Variants in TNIP1 observed in about 807,000 individuals in gnomAD.
The protein encoded by TNIP1 is TNFAIP3 interacting protein 1.
Under a neutral mutation model 86.6 loss-of-function variants are expected in TNIP1, and 22 were observed. The observed-to-expected ratio is 0.25, with a 90% CI of 0.18 to 0.36. The LOEUF (loss-of-function observed/expected upper bound fraction) is 0.36. TNIP1 is among the 10% of genes least tolerant of loss of function. The pLI is 1.00. For missense variants in TNIP1, 709 were observed against 820.6 expected (o/e 0.86, Z 1.66); for synonymous variants, 294 against 313.0 (o/e 0.94, Z 0.64).
At chr5:151,037,544 T>C (rs1757867346) in intron 12 of TNIP1, 1 of 152,224 alleles carries the variant, frequency 6.6e-6, no homozygotes, top group African/African-American at 2.4e-5. Flanking sequence ...TGGGCTGAAA[T>C]ATCATCAAAT....
rs369086263 is a variant in TNIP1, at chr5:151,041,642, T to C, written c.1134+898A>G. Among the ~76,000 whole-genome samples the C allele has an allele frequency of 1.5e-3, 228 of 152,340 alleles. 5 individuals carry two copies. In the East Asian group the frequency reaches 0.02, roughly 13 times the overall value. On this transcript the variant is annotated intron_variant, in intron 11 of 17. Coordinates refer to ENST00000521591, the MANE Select transcript of TNIP1 (RefSeq NM_006058.5). Reference sequence around the variant, plus strand: ...TCGGCATCCCAAAGTGCCAGGATCATAGGCACAAGCCACCCAACCCGGCCT... The same window carrying C: ...TCGGCATCCCAAAGTGCCAGGATCACAGGCACAAGCCACCCAACCCGGCCT...
At chr5:151,070,804 G>A (rs76340441) in intron 1 of TNIP1, among the ~76,000 whole-genome samples, 8,510 of 152,180 alleles carry the variant, frequency 0.056, 381 homozygotes, top group African/African-American at 0.13. Flanking sequence ...ATCAAAGGCC[G>A]GGTTGGATTT....
chr5:151,057,671 C>T (rs1325810963), intron 5 of TNIP1, among the ~76,000 whole-genome samples: 1 of 152,122 alleles, frequency 6.6e-6, no homozygotes, highest in East Asian at 1.9e-4. Flanking sequence ...GAGCAGAGAT[C>T]GCACCACAGC....
rs922897556 is a variant in TNIP1, at chr5:151,034,772, T to A, written c.1587+230A>T. Reference sequence around the variant, plus strand: ...ACACGGCCAAAGAAGGCTAGTCACATGGGCACGGAAGGTTGCTACCTGGAC... The same window carrying A: ...ACACGGCCAAAGAAGGCTAGTCACAAGGGCACGGAAGGTTGCTACCTGGAC... On this transcript the variant is annotated intron_variant, in intron 15 of 17. Transcript: ENST00000521591. The A allele has an allele frequency of 1.1e-5, 6 of 547,464 alleles. No individual in the cohort carries two copies. In the Admixed American group the frequency reaches 1.2e-4, roughly 11 times the overall value. 33.9% of individuals were successfully genotyped at this position (547,464 alleles called of 1,614,324 possible).
intron 1 of TNIP1, among the ~76,000 whole-genome samples, chr5:151,072,704 A>G (rs1054747759): frequency 4.0e-5 from 6 of 151,256 alleles, no homozygotes; most frequent in Non-Finnish European, 5.9e-5. Flanking sequence ...ACCCCACACT[A>G]TCTCTAGTTG....
chr5:151,032,325 TG>T lies in TNIP1; in HGVS notation c.1837del (p.Gln613LysfsTer2). On this transcript the variant is annotated frameshift_variant, in exon 17 of 18. Coordinates refer to ENST00000521591, the MANE Select transcript of TNIP1 (RefSeq NM_006058.5). LOFTEE classifies it high-confidence loss of function. ...CCTGGCTGTGGGAGGGTCCATCACT[TG>T]GGAGCTCTGATTTGGATTTCGAACC... The part of the protein sequence containing the change: ...GGVRNPNQSS[Q>X]VMDPPTARPT... The T allele has an allele frequency of 6.2e-7, 1 of 1,614,088 alleles. No homozygotes were observed. The highest frequency in any genetic ancestry group is 8.5e-7 in the Non-Finnish European group (1 of 1,179,972).
In TNIP1 at chr5:151,030,193, T is replaced by C. The variant is rs1207756330; in HGVS notation, c.*520A>G. On this transcript the variant is annotated 3_prime_UTR_variant, in exon 18 of 18. Coordinates refer to ENST00000521591, the MANE Select transcript of TNIP1 (RefSeq NM_006058.5). ...GGTGGAGAGGGCCCCAGAGCCAGAATATCCATCATTCTCTTCTGTTCTGGA... is the reference window on the plus strand; with the variant it reads ...GGTGGAGAGGGCCCCAGAGCCAGAACATCCATCATTCTCTTCTGTTCTGGA... 6.6e-6 allele frequency: 3 copies of C among 455,998 alleles called. No homozygotes were observed. Among genetic ancestry groups the C allele is most frequent in the African/African-American group, 2.0e-5 (1 of 50,102 alleles). The allele number at this position is 455,998 out of a possible 1,614,324, so 28.2% of individuals were successfully genotyped here. A position where few individuals can be genotyped will look rare whatever the true frequency, so the allele number is the denominator to read the frequency against.
At chr5:151,043,723 C>T (rs1172772679) in intron 9 of TNIP1, among the ~76,000 whole-genome samples, 2 of 151,536 alleles carry the variant, frequency 1.3e-5, no homozygotes, top group African/African-American at 2.4e-5. Flanking sequence ...TGCAGTAAGC[C>T]GAGATCATGG....
chr5:151,035,821 C>T (rs755910070), intron 13 of TNIP1, 114 bp from the exon 14 acceptor site: 70 of 1,400,702 alleles, frequency 5.0e-5, no homozygotes, highest in African/African-American at 1.1e-4. Context: ...AGCTGGGGGT[C>T]GCCATGGGGA....
At chr5:151,055,559 G>A (rs1288999763) in intron 6 of TNIP1, among the ~76,000 whole-genome samples, 1 of 152,128 alleles carries the variant, frequency 6.6e-6, no homozygotes, top group African/African-American at 2.4e-5. Context: ...TCTGCCTCTC[G>A]TTCAGCCTCA....
intron 1 of TNIP1, among the ~76,000 whole-genome samples, chr5:151,068,618 T>A (rs1406551055): frequency 2.0e-5 from 3 of 152,192 alleles, no homozygotes; most frequent in Non-Finnish European, 4.4e-5. Flanking sequence ...CATGAGCTCA[T>A]CTGATTCTCA....
Position 151,042,538 on chromosome 5 carries a change from G to C in TNIP1, c.1134+2C>G, listed in dbSNP as rs758040605. 6.2e-7 allele frequency: 1 copy of C among 1,612,062 alleles called. No individual in the cohort carries two copies. Among genetic ancestry groups the C allele is most frequent in the Non-Finnish European group, 8.5e-7 (1 of 1,179,904 alleles). The stretch of plus-strand genomic sequence containing the variant: ...TCTGCAGGGACCAGCAGTCACACTT[G>C]CCTCCTCCATTTCAATCTTGGACTT... On this transcript the variant is annotated splice_donor_variant, in intron 11 of 17. Coordinates refer to ENST00000521591, the MANE Select transcript of TNIP1 (RefSeq NM_006058.5). LOFTEE classifies it high-confidence loss of function.
chr5:151,050,021 A>C (rs1324128034), intron 7 of TNIP1, 74 bp from the exon 8 acceptor site: 1 of 1,596,716 alleles, frequency 6.3e-7, no homozygotes, highest in African/African-American at 1.3e-5. Context: ...CTTAATGCTC[A>C]CTATCGCATG....
chr5:151,031,840 T>C (rs973045399), intron 17 of TNIP1, among the ~76,000 whole-genome samples: 16 of 152,204 alleles, frequency 1.1e-4, no homozygotes, highest in Non-Finnish European at 1.5e-5. Flanking sequence ...TCCACCTAGC[T>C]AGTGTCACTC....
Position 151,042,908 on chromosome 5 carries a change from C to T in TNIP1, c.990G>A (p.Gln330=). 1 of 1,614,086 alleles carries T rather than the reference C, an allele frequency of 6.2e-7. No homozygotes were observed. Among genetic ancestry groups the T allele is most frequent in the Non-Finnish European group, 8.5e-7 (1 of 1,180,044 alleles). ...WDQHFRSMKQ[Q]YEQKITELRQ... ...AACCCCACATTACCTTCTGCTCATA[C>T]TGCTGCTTCATGGACCGGAAATGCT... The change falls in exon 10 of 18, where the codon CAG becomes CAA. Residue 330 remains glutamine, a synonymous_variant. Transcript: ENST00000521591.
rs1024063244 is a variant in TNIP1, at chr5:151,036,697, C to A, written c.1395+93G>T. On this transcript the variant is annotated intron_variant, in intron 13 of 17. Transcript: ENST00000521591. ...TGGCCAGAAAGTGGATTACTAATTA[C>A]AGGTTCCATGTGATTCCAAGCCGTC... The A allele has an allele frequency of 1.7e-5, 27 of 1,586,338 alleles. No individual in the cohort carries two copies. The Admixed American group carries it at 3.7e-4, about 22-fold the overall frequency.
At chr5:151,057,012 G>T (rs894051717) in intron 5 of TNIP1, 55 bp from the exon 6 acceptor site, 3 of 1,346,358 alleles carry the variant, frequency 2.2e-6, no homozygotes, top group Non-Finnish European at 2.9e-6. Flanking sequence ...AGTAGGCGCC[G>T]CCAGTCCATT....
rs577520591 is a variant in TNIP1 at position 151,039,312 on chromosome 5, C to T, written c.1135-87G>A. ...TCTGTCCTGCCTGGCCCAGCCCTTA[C>T]GTTCTCCCCTGGCCATCACTTCACA... On this transcript the variant is annotated intron_variant, in intron 11 of 17. Transcript: ENST00000521591. The T allele has an allele frequency of 6.9e-5, 100 of 1,454,076 alleles. No individual in the cohort carries two copies. The East Asian group carries it at 1.7e-3, about 25-fold the overall frequency. The allele number at this position is 1,454,076 out of a possible 1,614,324, so 90.1% of individuals were successfully genotyped here. A position where few individuals can be genotyped will look rare whatever the true frequency, so the allele number is the denominator to read the frequency against.
Position 151,035,797 on chromosome 5 carries a change from G to T in TNIP1, c.1396-90C>A. The T allele has an allele frequency of 5.2e-6, 8 of 1,540,186 alleles. No homozygotes were observed. In the South Asian group the frequency reaches 8.3e-5, roughly 16 times the overall value. ...CCAGACTCCCATGCCTCCTGCTGGG[G>T]TCACAGATGGCAGAGCTGGGGGTCG... On this transcript the variant is annotated intron_variant, in intron 13 of 17. Transcript: ENST00000521591.
Sources: gnomAD v4.1 joint callset for allele counts (sites outside exome capture counted in the v4.1 genomes callset) on GRCh38, gnomAD v4.1.1 for gene constraint, MANE v1.5 for transcripts, NCBI Gene and HGNC (gene_info 2026-07-23, HGNC 2026-07-21) for gene names.